The following KALRN variants were observed in gnomAD, a reference collection of about 807,000 sequenced individuals.
KALRN encodes kalirin RhoGEF kinase, also known as kalirin.
In KALRN, 70 loss-of-function variants were observed where a neutral mutation model predicts 353.7. That is an observed-to-expected ratio of 0.20 (90% confidence interval 0.16 to 0.24). The LOEUF is 0.24. Among genes scored for constraint, KALRN ranks in the 10% least tolerant of loss-of-function variants. KALRN has a pLI of 1.00. For synonymous variants in KALRN, 1,391 were observed against 1,434.8 expected, an observed-to-expected ratio of 0.97 and a Z score of 0.69; for missense variants, 2,791 against 3,756.7, an observed-to-expected ratio of 0.74 and a Z score of 6.72.
intron 33 of KALRN, among the ~76,000 whole-genome samples, chr3:124,527,951 A>AATC (rs138537000): frequency 2.1e-4 from 32 of 152,346 alleles, no homozygotes; most frequent in Non-Finnish European, 4.6e-4. Context: ...GTTCTATATG[A>AATC]ATCTGGGAGC....
intron 3 of KALRN, among the ~76,000 whole-genome samples, chr3:124,241,993 T>A (rs2080512093): frequency 6.6e-6 from 1 of 152,166 alleles, no homozygotes; most frequent in Admixed American, 6.5e-5. Flanking sequence ...CATAGTCTTT[T>A]GGGAGAATGG....
At chr3:124,678,754 TA>T (rs1243083779) in intron 50 of KALRN, 1 of 158,460 alleles carries the variant, frequency 6.3e-6, no homozygotes, top group Non-Finnish European at 1.4e-5. Flanking sequence ...GTGTCCTTAG[TA>T]AAGTTTCATT....
intron 51 of KALRN, among the ~76,000 whole-genome samples, chr3:124,685,010 G>C (rs1036781010): frequency 1.3e-5 from 2 of 152,102 alleles, no homozygotes; most frequent in Non-Finnish European, 2.9e-5. Context: ...AACCCGGCCA[G>C]ACGGATTGAA....
At chr3:124,470,276 G>A (rs2060753812) in intron 25 of KALRN, among the ~76,000 whole-genome samples, 2 of 152,148 alleles carry the variant, frequency 1.3e-5, no homozygotes, top group African/African-American at 4.8e-5. Context: ...CTATAGAACA[G>A]CTAAGGTGAA....
chr3:124,085,031 A>G (rs990588476), intron 1 of KALRN, among the ~76,000 whole-genome samples: 2 of 152,062 alleles, frequency 1.3e-5, no homozygotes, highest in African/African-American at 4.8e-5. Flanking sequence ...CTTTCACCTT[A>G]CTTTACCCTG....
intron 5 of KALRN, among the ~76,000 whole-genome samples, chr3:124,284,068 C>T (rs2075603627): frequency 6.6e-6 from 1 of 152,104 alleles, no homozygotes; most frequent in South Asian, 2.1e-4. Context: ...GGAGAGGGAA[C>T]AAAATGGAGG....
intron 5 of KALRN, among the ~76,000 whole-genome samples, chr3:124,287,586 A>C (rs960506519): frequency 5.3e-5 from 8 of 151,414 alleles, no homozygotes; most frequent in South Asian, 2.1e-4. Flanking sequence ...TCATTGGTCT[A>C]TCTTGGTTAT....
At chr3:124,050,255 A>G (rs1179286048) in intron 1 of KALRN, among the ~76,000 whole-genome samples, 1 of 152,240 alleles carries the variant, frequency 6.6e-6, no homozygotes, top group Non-Finnish European at 1.5e-5. Context: ...AAGACCCTAC[A>G]TATGGCAGCC....
intron 21 of KALRN, among the ~76,000 whole-genome samples, chr3:124,451,974 C>A (rs116493238): frequency 0.011 from 1,723 of 152,318 alleles, 30 homozygotes; most frequent in African/African-American, 0.039. Context: ...GGAAACAACC[C>A]CAATTGACCC....
chr3:124,060,788 C>T (rs139247724), intron 1 of KALRN, among the ~76,000 whole-genome samples: 3 of 152,330 alleles, frequency 2.0e-5, no homozygotes, highest in African/African-American at 7.2e-5. Context: ...GGATGGCTGA[C>T]ACCATGACTT....
chr3:124,151,018 A>T (rs1326774555), intron 1 of KALRN, among the ~76,000 whole-genome samples: 1 of 152,226 alleles, frequency 6.6e-6, no homozygotes, highest in Non-Finnish European at 1.5e-5. Flanking sequence ...ATGTGAGATT[A>T]ATCCATGTTG....
At chr3:124,176,746 G>A (rs1253481270) in intron 1 of KALRN, among the ~76,000 whole-genome samples, 3 of 152,134 alleles carry the variant, frequency 2.0e-5, no homozygotes, top group Non-Finnish European at 4.4e-5. Flanking sequence ...TTTGTTCATA[G>A]CACTGCTATC....
intron 37 of KALRN, among the ~76,000 whole-genome samples, chr3:124,648,621 A>G (rs1190676451): frequency 6.6e-6 from 1 of 152,364 alleles, no homozygotes; most frequent in Non-Finnish European, 1.5e-5. Flanking sequence ...AAGCGAGCCT[A>G]TAAACCAAGG....
chr3:124,604,142 GT>G (rs10604055), intron 34 of KALRN, among the ~76,000 whole-genome samples: 63 of 136,706 alleles, frequency 4.6e-4, no homozygotes, highest in East Asian at 2.6e-3. Context: ...CTGCTTTCAC[GT>G]TTTTTTTTTT....
intron 37 of KALRN, among the ~76,000 whole-genome samples, chr3:124,638,676 A>G (rs2081646207): frequency 6.6e-6 from 1 of 152,010 alleles, no homozygotes; most frequent in Non-Finnish European, 1.5e-5. Flanking sequence ...TTTCTCTGCT[A>G]AGTCTGCCTT....
At chr3:124,093,060 A>G (rs2061216183) in intron 1 of KALRN, among the ~76,000 whole-genome samples, 1 of 152,156 alleles carries the variant, frequency 6.6e-6, no homozygotes, top group Non-Finnish European at 1.5e-5. Context: ...CCGAGACCCA[A>G]TGCTGCCGTT....
chr3:124,694,982 C>T (rs1468149158), intron 53 of KALRN, among the ~76,000 whole-genome samples: 1 of 152,196 alleles, frequency 6.6e-6, no homozygotes, highest in Non-Finnish European at 1.5e-5. Context: ...AAGATTTAGA[C>T]TTCTGATTTA....
Position 124,663,227 on chromosome 3 carries a change from G to A in KALRN, c.6345+1299G>A, listed in dbSNP as rs7623061. Among the ~76,000 whole-genome samples, 220 of 152,312 alleles carry A rather than the reference G, an allele frequency of 1.4e-3. 3 individuals carry two copies. Among genetic ancestry groups the A allele is most frequent in the African/African-American group, 5.0e-3 (209 of 41,570 alleles). ...CTCCCAAAGTGCTGGGATTATAGGC[G>A]TGAGCCACCACACTGGGCCGTTTCC... On this transcript the variant is annotated intron_variant, in intron 45 of 59. Transcript: ENST00000682506.
At chr3:124,639,065 A>G (rs1285812111) in intron 37 of KALRN, among the ~76,000 whole-genome samples, 1 of 152,140 alleles carries the variant, frequency 6.6e-6, no homozygotes, top group African/African-American at 2.4e-5. Context: ...CCATCTAGTT[A>G]TTTATTTGGT....
Sources: gnomAD v4.1 joint callset for allele counts (sites outside exome capture counted in the v4.1 genomes callset) on GRCh38, gnomAD v4.1.1 for gene constraint, MANE v1.5 for transcripts, NCBI Gene and HGNC (gene_info 2026-07-23, HGNC 2026-07-21) for gene names.